Variants in MAN1A1 observed in about 807,000 individuals in gnomAD.
MAN1A1 encodes the protein mannosidase alpha class 1A member 1.
In MAN1A1, 29 loss-of-function variants were observed where a neutral mutation model predicts 70.8. That is an observed-to-expected ratio of 0.41 (90% CI 0.31 to 0.56). MAN1A1 has a LOEUF of 0.56. Ranked by LOEUF, MAN1A1 falls within the 20% of genes least tolerant of loss-of-function variation. The pLI is 0.29. For missense variants in MAN1A1, 747 were observed against 841.3 expected (o/e 0.89, Z 1.39); for synonymous variants, 349 against 330.1 (o/e 1.06, Z -0.62).
intron 2 of MAN1A1, among the ~76,000 whole-genome samples, chr6:119,345,207 G>A (rs1219282414): frequency 6.6e-6 from 1 of 151,792 alleles, no homozygotes; most frequent in East Asian, 1.9e-4. Flanking sequence ...GGGCGGAGCG[G>A]GGGAGAAGGG....
At chr6:119,295,429 C>T (rs964714938) in intron 4 of MAN1A1, among the ~76,000 whole-genome samples, 14 of 130,464 alleles carry the variant, frequency 1.1e-4, no homozygotes, top group African/African-American at 2.8e-4. Flanking sequence ...GGAGCTATAT[C>T]GAGATGCAAG....
At chr6:119,248,894 G>A (rs1195279388) in intron 5 of MAN1A1, among the ~76,000 whole-genome samples, 1 of 152,200 alleles carries the variant, frequency 6.6e-6, no homozygotes, top group African/African-American at 2.4e-5. Flanking sequence ...GATGTTAAGT[G>A]TAAGTGATAT....
chr6:119,348,525 C>G lies in MAN1A1; in HGVS notation c.541G>C (p.Gly181Arg). The part of the protein sequence containing the change: ...LPPVDFVPPI[G>R]VESREPADAA... ...TCGGCGGGCTCCCGGCTCTCCACCC[C>G]GATTGGGGGCACGAAGTCCACCGGG... Residue 181 changes from glycine (G) to arginine (R), a missense_variant, in exon 2 of 13, where the codon GGG (glycine) becomes CGG (arginine). This residue lies in a region of MAN1A1 where 328 missense variants were observed against 293.1 expected (regional missense o/e 1.12). Coordinates refer to ENST00000368468, the MANE Select transcript of MAN1A1 (RefSeq NM_005907.4). 1.9e-6 allele frequency: 3 copies of G among 1,612,478 alleles called. No individual in the cohort carries two copies. Among genetic ancestry groups the G allele is most frequent in the Non-Finnish European group, 2.5e-6 (3 of 1,179,322 alleles).
intron 5 of MAN1A1, among the ~76,000 whole-genome samples, chr6:119,288,492 A>G (rs1360927156): frequency 6.6e-6 from 1 of 151,984 alleles, no homozygotes; most frequent in East Asian, 1.9e-4. Flanking sequence ...GAATACAAAT[A>G]GCTCAAGAAC....
intron 4 of MAN1A1, among the ~76,000 whole-genome samples, chr6:119,292,521 GATAAA>G (rs1772068039): frequency 6.6e-6 from 1 of 151,738 alleles, no homozygotes; most frequent in African/African-American, 2.4e-5. Flanking sequence ...ATTTTAGTGG[GATAAA>G]ATATTTCCAG....
At chr6:119,195,342 A>G (rs186965242) in intron 8 of MAN1A1, among the ~76,000 whole-genome samples, 160 of 152,176 alleles carry the variant, frequency 1.1e-3, no homozygotes, top group African/African-American at 3.7e-3. Flanking sequence ...TGGCTCCTCA[A>G]AAACATCAGG....
intron 4 of MAN1A1, among the ~76,000 whole-genome samples, chr6:119,293,133 C>T (rs1772096727): frequency 6.6e-6 from 1 of 151,958 alleles, no homozygotes; most frequent in South Asian, 2.1e-4. Flanking sequence ...TGACATAATG[C>T]ATTTTCTCTT....
intron 4 of MAN1A1, among the ~76,000 whole-genome samples, chr6:119,291,675 G>A (rs1772024936): frequency 6.6e-6 from 1 of 151,904 alleles, no homozygotes; most frequent in Non-Finnish European, 1.5e-5. Context: ...CTGCAAATAG[G>A]ATTTGAAGTC....
intron 5 of MAN1A1, among the ~76,000 whole-genome samples, chr6:119,250,081 G>GA (rs1333845197): frequency 6.6e-6 from 1 of 151,762 alleles, no homozygotes; most frequent in Non-Finnish European, 1.5e-5. Flanking sequence ...ATGGAGAGGA[G>GA]AAAAAAAAGT....
chr6:119,297,642 G>C (rs1390020025), intron 4 of MAN1A1, among the ~76,000 whole-genome samples: 1 of 150,094 alleles, frequency 6.7e-6, no homozygotes, highest in African/African-American at 2.5e-5. Flanking sequence ...TTACTACTCT[G>C]TATGCTTGTC....
chr6:119,350,432 T>C, upstream of MAN1A1: 1 of 588,144 alleles, frequency 1.7e-6, no homozygotes. Flanking sequence ...TGCTTAGGAC[T>C]TTTTTCGTAT....
At chr6:119,265,260 C>G (rs951370937) in intron 5 of MAN1A1, among the ~76,000 whole-genome samples, 1 of 151,924 alleles carries the variant, frequency 6.6e-6, no homozygotes, top group Non-Finnish European at 1.5e-5. Context: ...ACCAATACAC[C>G]CAGCTAATTT....
rs759204305 is a variant in MAN1A1, at chr6:119,348,751, G to T, written c.315C>A (p.Arg105=). ...EDAAEGRARR[R]EEGAPGDPEA... ...CCGGGTCCCCGGGTGCCCCCTCCTCGCGGCGCCGGGCTCGCCCCTCGGCCG... is the reference window on the plus strand; with the variant it reads ...CCGGGTCCCCGGGTGCCCCCTCCTCTCGGCGCCGGGCTCGCCCCTCGGCCG... Residue 105 remains arginine (R), a synonymous_variant, in exon 2 of 13, where the codon CGC becomes CGA. Transcript: ENST00000368468. 28 of 1,557,068 alleles carry T rather than the reference G, an allele frequency of 1.8e-5. No individual in the cohort carries two copies. The highest frequency in any genetic ancestry group is 2.3e-5 in the Non-Finnish European group (26 of 1,154,750).
intron 7 of MAN1A1, among the ~76,000 whole-genome samples, chr6:119,203,146 T>C (rs920006255): frequency 2.6e-5 from 4 of 152,190 alleles, no homozygotes; most frequent in Admixed American, 6.5e-5. Flanking sequence ...CCTCCAGAAC[T>C]GTAAGAAATA....
chr6:119,242,344 T>A lies in MAN1A1; in HGVS notation c.992+5916A>T, dbSNP rs982095672. 2.6e-5 allele frequency among the ~76,000 whole-genome samples: 4 copies of A among 152,114 alleles called. No individual in the cohort carries two copies. The South Asian group carries it at 8.3e-4, about 32-fold the overall frequency. On this transcript the variant is annotated intron_variant, in intron 6 of 12. Coordinates refer to ENST00000368468, the MANE Select transcript of MAN1A1 (RefSeq NM_005907.4). ...TTGATCCTATAGGTTGGATCCCAAA[T>A]AATTTAAAAAATAATAAAAGCTTGA...
At chr6:119,241,736 A>C (rs1775007909) in intron 6 of MAN1A1, among the ~76,000 whole-genome samples, 1 of 152,210 alleles carries the variant, frequency 6.6e-6, no homozygotes, top group Admixed American at 6.6e-5. Flanking sequence ...TGAGATGAGA[A>C]ATAAAGCTAA....
chr6:119,258,337 C>G (rs1265184382), intron 5 of MAN1A1, among the ~76,000 whole-genome samples: 1 of 152,104 alleles, frequency 6.6e-6, no homozygotes, highest in African/African-American at 2.4e-5. Context: ...TGGTATCAAC[C>G]AGTTGCAGAT....
intron 6 of MAN1A1, among the ~76,000 whole-genome samples, chr6:119,234,649 A>G (rs1306422814): frequency 6.6e-6 from 1 of 152,164 alleles, no homozygotes; most frequent in Non-Finnish European, 1.5e-5. Flanking sequence ...TCCCAGGCTC[A>G]GGCAATCCTT....
chr6:119,326,727 G>A (rs1044870313), intron 2 of MAN1A1, among the ~76,000 whole-genome samples: 3 of 152,174 alleles, frequency 2.0e-5, no homozygotes, highest in Admixed American at 6.5e-5. Flanking sequence ...CAGATCTTGT[G>A]AGAACTCACT....
Sources: allele counts gnomAD v4.1 joint callset (sites outside exome capture counted in the v4.1 genomes callset), GRCh38; gene constraint gnomAD v4.1.1; regional missense constraint gnomAD v4.1.1; transcripts MANE v1.5; gene names NCBI Gene and HGNC (gene_info 2026-07-23, HGNC 2026-07-21).